The following KCNK2 variants were observed in gnomAD, a reference collection of about 807,000 sequenced individuals.
KCNK2 encodes the protein potassium two pore domain channel subfamily K member 2.
KCNK2 carries 21 observed loss-of-function variants against 40.5 expected under a neutral mutation model. The observed-to-expected ratio is 0.52, with a 90% confidence interval of 0.37 to 0.75. KCNK2 has a LOEUF of 0.75. Ranked by LOEUF, KCNK2 falls within the 30% of genes least tolerant of loss-of-function variation. The pLI, the probability that KCNK2 is intolerant of heterozygous loss-of-function variation, is 0.00. For missense variants in KCNK2, 399 were observed against 531.6 expected (o/e 0.75, Z 2.45); for synonymous variants, 191 against 202.2 (o/e 0.94, Z 0.47).
chr1:215,095,250 CAGAA>C (rs1186973110), intron 2 of KCNK2, among the ~76,000 whole-genome samples: 1 of 152,050 alleles, frequency 6.6e-6, no homozygotes, highest in African/African-American at 2.4e-5. Context: ...CCTTGCAGTT[CAGAA>C]AGAAACAAAT....
chr1:215,154,739 T>C (rs2102616841), intron 3 of KCNK2, among the ~76,000 whole-genome samples: 1 of 152,288 alleles, frequency 6.6e-6, no homozygotes, highest in East Asian at 1.9e-4. Context: ...CTTTAATCCA[T>C]CTTGAGTTAA....
chr1:215,017,220 C>G (rs1656623782), intron 1 of KCNK2, among the ~76,000 whole-genome samples: 1 of 152,032 alleles, frequency 6.6e-6, no homozygotes, highest in South Asian at 2.1e-4. Context: ...ATCATATGAT[C>G]CAGAAATCCC....
Position 215,083,194 on chromosome 1 carries a change from T to TCCCCCCCCCCCC in KCNK2, c.-183_-182insCCCCCCCCCCCC, listed in dbSNP as rs201482650. 725 of 502,474 alleles carry TCCCCCCCCCCCC rather than the reference T, an allele frequency of 1.4e-3. 89 individuals carry two copies. Among genetic ancestry groups the TCCCCCCCCCCCC allele is most frequent in the South Asian group, 3.0e-3 (150 of 49,360 alleles). 31.1% of individuals were successfully genotyped at this position (502,474 alleles called of 1,614,324 possible). A position where few individuals can be genotyped will look rare whatever the true frequency, so the allele number is the denominator to read the frequency against. On this transcript the variant is annotated 5_prime_UTR_variant, in exon 1 of 7. Transcript: ENST00000444842. Reference sequence around the variant, plus strand: ...CCCGCGATTTCGTTTCTTCTCACGCTCCCCCCCCCGCCCCCTCCCGCGTCC... The same window carrying TCCCCCCCCCCCC: ...CCCGCGATTTCGTTTCTTCTCACGCTCCCCCCCCCCCCCCCCCCCCCGCCCCCTCCCGCGTCC...
rs1289112253 is a variant in KCNK2, at chr1:215,177,609, G to A, written c.823+5426G>A. 2.0e-5 allele frequency among the ~76,000 whole-genome samples: 3 copies of A among 151,124 alleles called. No individual in the cohort carries two copies. The East Asian group carries it at 5.8e-4, about 29-fold the overall frequency. ...ATCCCAGCACCATTTATTGAATAGG[G>A]AATCCTTTCCTCACTACTAATTTTT... On this transcript the variant is annotated intron_variant, in intron 5 of 6. Transcript: ENST00000444842.
chr1:215,104,560 C>T (rs1420904464), intron 2 of KCNK2, among the ~76,000 whole-genome samples: 4 of 151,984 alleles, frequency 2.6e-5, no homozygotes, highest in Non-Finnish European at 4.4e-5. Flanking sequence ...AGTGAAACGT[C>T]TCAGAATTTT....
intron 1 of KCNK2, among the ~76,000 whole-genome samples, chr1:215,007,073 A>ATATATATATGTGTGTATATATATATG (rs1558054001): frequency 2.5e-5 from 3 of 121,586 alleles, no homozygotes; most frequent in Non-Finnish European, 4.9e-5. Context: ...GTGTGTGTGT[A>ATATATATATGTGTGTATATATATATG]TATATATATG....
intron 1 of KCNK2, among the ~76,000 whole-genome samples, chr1:215,077,401 A>C (rs1410347208): frequency 6.6e-6 from 1 of 152,172 alleles, no homozygotes; most frequent in Non-Finnish European, 1.5e-5. Context: ...CTGTTGATCT[A>C]CTGGCAACTC....
chr1:215,197,003 T>C (rs1664893453), intron 6 of KCNK2, among the ~76,000 whole-genome samples: 1 of 152,180 alleles, frequency 6.6e-6, no homozygotes. Context: ...TACACAGATA[T>C]AATATTATAA....
chr1:215,167,714 C>A (rs1558121981), intron 3 of KCNK2, among the ~76,000 whole-genome samples: 1 of 152,034 alleles, frequency 6.6e-6, no homozygotes, highest in East Asian at 1.9e-4. Context: ...ATAACTTAAG[C>A]ATATCTGAAT....
At chr1:215,201,290 T>C (rs1665070854) in intron 6 of KCNK2, among the ~76,000 whole-genome samples, 2 of 152,142 alleles carry the variant, frequency 1.3e-5, no homozygotes, top group Non-Finnish European at 2.9e-5. Flanking sequence ...AAGGCTAACA[T>C]AATAACATAA....
At chr1:215,219,485 T>C (rs1666085598) in intron 6 of KCNK2, among the ~76,000 whole-genome samples, 1 of 150,404 alleles carries the variant, frequency 6.6e-6, no homozygotes, top group South Asian at 2.1e-4. Flanking sequence ...GAAACATAAA[T>C]GCCAAAGTGA....
chr1:215,199,491 A>G (rs1178515461), intron 6 of KCNK2, among the ~76,000 whole-genome samples: 4 of 152,230 alleles, frequency 2.6e-5, no homozygotes, highest in Non-Finnish European at 5.9e-5. Flanking sequence ...AAAGTGCCAC[A>G]TATAATTATA....
chr1:215,169,449 C>G, intron 4 of KCNK2, 90 bp downstream of exon 4: 1 of 1,000,036 alleles, frequency 1.0e-6, no homozygotes, highest in African/African-American at 1.7e-5. Context: ...TACAATTAGA[C>G]ATTCAATTAT....
intron 1 of KCNK2, chr1:215,006,072 A>G (rs911333116): frequency 4.6e-6 from 4 of 861,920 alleles, no homozygotes; most frequent in African/African-American, 1.7e-5. Context: ...GAAAGTCTAT[A>G]ATTAAACTCA....
intron 6 of KCNK2, among the ~76,000 whole-genome samples, chr1:215,208,035 G>C (rs1179345726): frequency 6.6e-6 from 1 of 152,050 alleles, no homozygotes; most frequent in Non-Finnish European, 1.5e-5. Context: ...ATACCTAGAG[G>C]AATATAAATC....
intron 3 of KCNK2, among the ~76,000 whole-genome samples, chr1:215,130,676 C>T (rs1002806241): frequency 2.6e-5 from 4 of 151,974 alleles, no homozygotes; most frequent in Non-Finnish European, 4.4e-5. Flanking sequence ...ATCTCACAGA[C>T]TTGTTAATCT....
At chr1:215,216,530 A>G (rs1216522074) in intron 6 of KCNK2, among the ~76,000 whole-genome samples, 3 of 149,550 alleles carry the variant, frequency 2.0e-5, no homozygotes, top group African/African-American at 7.3e-5. Context: ...TATGTTATAT[A>G]TGTTATATAT....
intron 6 of KCNK2, among the ~76,000 whole-genome samples, chr1:215,204,964 G>A (rs1665248456): frequency 6.6e-6 from 1 of 152,142 alleles, no homozygotes; most frequent in Non-Finnish European, 1.5e-5. Context: ...CAAATGAACA[G>A]CTTCTAATAA....
chr1:215,009,812 A>T (rs985355928), intron 1 of KCNK2, among the ~76,000 whole-genome samples: 5 of 152,154 alleles, frequency 3.3e-5, no homozygotes, highest in African/African-American at 1.2e-4. Flanking sequence ...GAAAAACCTG[A>T]GTGTCTGGAA....
Sources: allele counts gnomAD v4.1 joint callset (sites outside exome capture counted in the v4.1 genomes callset), GRCh38; gene constraint gnomAD v4.1.1; transcripts MANE v1.5; gene names NCBI Gene and HGNC (gene_info 2026-07-23, HGNC 2026-07-21).